The following TIMM17B variants were observed in gnomAD, a reference collection of about 807,000 sequenced individuals.
TIMM17B encodes the protein mitochondrial import inner membrane translocase subunit Tim17-B.
A neutral mutation model predicts 15.9 loss-of-function variants in TIMM17B; 10 were observed. That is an observed-to-expected ratio of 0.63 (90% confidence interval 0.39 to 1.06). TIMM17B has a LOEUF of 1.06. Ranked by LOEUF, TIMM17B falls within the 50% of genes least tolerant of loss-of-function variation. The pLI, the probability that TIMM17B is intolerant of heterozygous loss-of-function variation, is 0.01. For synonymous variants in TIMM17B, 57 were observed against 57.2 expected (o/e 1.00, Z 0.02); for missense variants, 114 against 152.2 (o/e 0.75, Z 1.32).
chrX:48,897,178 C>T (rs2063321783), intron 2 of TIMM17B: 1 of 335,253 alleles, frequency 3.0e-6, no homozygotes, highest in Non-Finnish European at 5.1e-6. Flanking sequence ...GCGACATAGG[C>T]GTGTTAACTA....
At chrX:48,897,761 C>T (rs2063329497) in exon 2 of TIMM17B, 1 of 1,209,514 alleles carries the variant, frequency 8.3e-7, no homozygotes, top group Non-Finnish European at 1.1e-6. Context: ...GCGCTGGCGT[C>T]TGGCCGCGCA....
rs376803699 is a variant in TIMM17B at position 48,895,025 on chromosome X, C to T, written c.190+13G>A. On this transcript the variant is annotated intron_variant, in intron 4 of 6. Transcript: ENST00000376582. The stretch of plus-strand genomic sequence containing the variant: ...CAAGACATCTCCTATATCTATCTCC[C>T]CAAGTCCCTCACCTCCAATCTGGGG... The T allele has an allele frequency of 1.7e-6, 2 of 1,187,294 alleles. No homozygotes were observed. Among genetic ancestry groups the T allele is most frequent in the African/African-American group, 3.5e-5 (2 of 56,757 alleles).
chrX:48,895,754 T>G (rs1157449468), intron 3 of TIMM17B: 17 of 308,596 alleles, frequency 5.5e-5, no homozygotes, highest in Non-Finnish European at 8.5e-5. Flanking sequence ...GAAAAAGAAT[T>G]ATGTTAAAAG....
chrX:48,896,624 T>A (rs2063315276), intron 3 of TIMM17B, 135 bp downstream of exon 2: 1 of 1,092,875 alleles, frequency 9.2e-7, no homozygotes, highest in African/African-American at 1.9e-5. Flanking sequence ...GGAGCCAGGC[T>A]CGGCACATAG....
chrX:48,893,823 G>A lies in TIMM17B; in HGVS notation c.431-6C>T. 8.4e-7 allele frequency: 1 copy of A among 1,185,494 alleles called. No homozygotes were observed. The highest frequency in any genetic ancestry group is 1.1e-6 in the Non-Finnish European group (1 of 879,323). Reference sequence around the variant, plus strand: ...GTCCTCCAGGAATGGGGGCGCTGGAGAAGGGAGACTTGGGTAAGGATGAGT... The same window carrying A: ...GTCCTCCAGGAATGGGGGCGCTGGAAAAGGGAGACTTGGGTAAGGATGAGT... On this transcript the variant is annotated splice_polypyrimidine_tract_variant and splice_region_variant and intron_variant, in intron 6 of 6. Coordinates refer to ENST00000376582, the Ensembl canonical transcript of TIMM17B.
exon 6 of TIMM17B, chrX:48,893,936 G>A (rs781842880): frequency 5.0e-6 from 6 of 1,209,337 alleles, no homozygotes; most frequent in African/African-American, 1.7e-5. Context: ...CGAGTGAGGA[G>A]GATGCCAACG....
chrX:48,895,608 G>A, intron 3 of TIMM17B: 1 of 466,129 alleles, frequency 2.1e-6, no homozygotes. Flanking sequence ...ACAAACTTGG[G>A]CAAAGATCCA....
At chrX:48,896,944 A>G in intron 2 of TIMM17B, 86 bp from the exon 2 acceptor site, 1 of 1,172,312 alleles carries the variant, frequency 8.5e-7, no homozygotes, top group East Asian at 3.1e-5. Context: ...GGGAGAAACC[A>G]AGTCACCAGA....
At position 48,895,112 on chromosome X, in the gene TIMM17B, G is replaced by A. The variant is rs1557039258; in HGVS notation, c.127-11C>T. ...CCGGTGCCGAATTCCCTGGGGAAAG[G>A]AAGGAAGGGCGTTAGGGCAGGGCTG... On this transcript the variant is annotated splice_polypyrimidine_tract_variant and intron_variant, in intron 3 of 6. Transcript: ENST00000376582. 1 of 1,188,571 alleles carries A rather than the reference G, an allele frequency of 8.4e-7. No individual in the cohort carries two copies. The highest frequency in any genetic ancestry group is 2.3e-5 in the Admixed American group (1 of 43,389).
At chrX:48,896,172 AAAC>A (rs2063309901) in intron 3 of TIMM17B, 1 of 102,566 alleles carries the variant, frequency 9.7e-6, no homozygotes, top group Non-Finnish European at 2.0e-5. Context: ...AAAAAAAAAA[AAAC>A]ATGGCCAGGC....
At position 48,897,759 on chromosome X, in the gene TIMM17B, G is replaced by A; in HGVS notation, c.-10C>T. The A allele has an allele frequency of 1.7e-6, 2 of 1,209,101 alleles. No individual in the cohort carries two copies. Among genetic ancestry groups the A allele is most frequent in the African/African-American group, 3.5e-5 (2 of 57,928 alleles). Reference sequence around the variant, plus strand: ...GAGCGTACTCCTCCATGGCGCTGGCGTCTGGCCGCGCAGTCAGGCCACGCC... The same window carrying A: ...GAGCGTACTCCTCCATGGCGCTGGCATCTGGCCGCGCAGTCAGGCCACGCC... On this transcript the variant is annotated 5_prime_UTR_variant, in exon 2 of 7. The change creates a new upstream start codon in the 5' untranslated region. Transcript: ENST00000376582.
chrX:48,897,961 T>G (rs2063333427), intron 1 of TIMM17B, 193 bp from the exon 1 acceptor site: 1 of 889,928 alleles, frequency 1.1e-6, no homozygotes, highest in Admixed American at 3.8e-5. Context: ...AGTGAAGGCC[T>G]CGTTGAGAGA....
rs781804914 is a variant in TIMM17B at position 48,894,124 on chromosome X, A to G, written c.292T>C (p.Leu98=). Residue 98 remains leucine (L), a synonymous_variant, in exon 5 of 7, where the codon TTG becomes CTG. Coordinates refer to ENST00000376582, the Ensembl canonical transcript of TIMM17B. ...CGGGCAGCCAGCACAGCCCCGGTCA[A>G]TGCTCCACTGGTGATAGAGTTCCAG... 60 of 1,199,195 alleles carry G rather than the reference A, an allele frequency of 5.0e-5. No homozygotes were observed. The Admixed American group carries it at 5.8e-4, about 12-fold the overall frequency.
chrX:48,895,872 G>T (rs2063304789), intron 3 of TIMM17B: 1 of 158,336 alleles, frequency 6.3e-6, no homozygotes, highest in Non-Finnish European at 1.2e-5. Flanking sequence ...ATGCGCAGTG[G>T]CTAACACCTG....
At chrX:48,897,547 G>C in intron 2 of TIMM17B, 177 bp downstream of exon 1, 1 of 458,725 alleles carries the variant, frequency 2.2e-6, no homozygotes. Context: ...TTCTCTGGTT[G>C]TGGCCCCTCA....
chrX:48,897,831 G>A lies in TIMM17B; in HGVS notation c.-72-10C>T, dbSNP rs2063330685. 5 of 1,158,888 alleles carry A rather than the reference G, an allele frequency of 4.3e-6. No individual in the cohort carries two copies. In the Admixed American group the frequency reaches 1.2e-4, roughly 28 times the overall value. ...CGTCGGAGCTTTCCGCCTATTACCGGGCAGCGATTGGGTCGCTATACCGCA... is the reference window on the plus strand; with the variant it reads ...CGTCGGAGCTTTCCGCCTATTACCGAGCAGCGATTGGGTCGCTATACCGCA... On this transcript the variant is annotated splice_polypyrimidine_tract_variant and intron_variant, in intron 1 of 6. Transcript: ENST00000376582.
chrX:48,897,849 A>G (rs2063330870), intron 1 of TIMM17B, 81 bp from the exon 1 acceptor site: 3 of 1,101,520 alleles, frequency 2.7e-6, no homozygotes, highest in Non-Finnish European at 3.6e-6. Flanking sequence ...TTGGGTCGCT[A>G]TACCGCATGT....
intron 1 of TIMM17B, 86 bp from the exon 1 acceptor site, chrX:48,897,854 G>T (rs1260415665): frequency 2.6e-5 from 28 of 1,081,916 alleles, no homozygotes; most frequent in Admixed American, 2.7e-5. Flanking sequence ...TCGCTATACC[G>T]CATGTCACGC....
rs1247181398 is a variant in TIMM17B, at chrX:48,894,234, G to A, written c.191-9C>T. ...CCACACTGCGAAGCTACCTGTAGTGGAACCGAGGCCTAATTAGTTCCTGGG... is the reference window on the plus strand; with the variant it reads ...CCACACTGCGAAGCTACCTGTAGTGAAACCGAGGCCTAATTAGTTCCTGGG... On this transcript the variant is annotated splice_polypyrimidine_tract_variant and intron_variant, in intron 4 of 6. Coordinates refer to ENST00000376582, the Ensembl canonical transcript of TIMM17B. The A allele has an allele frequency of 8.3e-7, 1 of 1,205,461 alleles. No individual in the cohort carries two copies. Among genetic ancestry groups the A allele is most frequent in the African/African-American group, 1.7e-5 (1 of 57,146 alleles).
Sources: allele counts gnomAD v4.1 joint callset, GRCh38; gene constraint gnomAD v4.1.1; transcripts MANE v1.5; gene names NCBI Gene and HGNC (gene_info 2026-07-23, HGNC 2026-07-21).